PLS1: variants seen among roughly 807,000 people sequenced by gnomAD.
PLS1 encodes plastin-1.
In PLS1, 32 loss-of-function variants were observed where a neutral mutation model predicts 73.7. That is an observed-to-expected ratio of 0.43 (90% CI 0.33 to 0.58). The LOEUF (loss-of-function observed/expected upper bound fraction) is 0.58, where lower values mean the gene tolerates loss of function less well. Ranked by LOEUF, PLS1 falls within the 20% of genes least tolerant of loss-of-function variation. PLS1 has a pLI of 0.04. For synonymous variants in PLS1, 217 were observed against 261.3 expected (o/e 0.83, Z 1.63); for missense variants, 633 against 740.5 (o/e 0.85, Z 1.68).
intron 1 of PLS1, among the ~76,000 whole-genome samples, chr3:142,608,661 C>G (rs754224241): frequency 6.6e-6 from 1 of 152,192 alleles, no homozygotes; most frequent in Non-Finnish European, 1.5e-5. Context: ...ATGAATGTAT[C>G]AAAGGACACA....
At chr3:142,625,148 C>A (rs530981695) in intron 1 of PLS1, among the ~76,000 whole-genome samples, 2 of 152,042 alleles carry the variant, frequency 1.3e-5, no homozygotes, top group African/African-American at 4.8e-5. Flanking sequence ...TCTGGAAATA[C>A]GAGCTCAAAG....
intron 12 of PLS1, among the ~76,000 whole-genome samples, chr3:142,702,169 G>A (rs2038344937): frequency 6.6e-6 from 1 of 152,174 alleles, no homozygotes; most frequent in Admixed American, 6.5e-5. Context: ...TGATCCTCCT[G>A]CCTCAGCCTA....
intron 1 of PLS1, among the ~76,000 whole-genome samples, chr3:142,621,811 T>C (rs1478566012): frequency 6.7e-6 from 1 of 150,110 alleles, no homozygotes; most frequent in Non-Finnish European, 1.5e-5. Flanking sequence ...TGAAGTGAAG[T>C]CCTGGGGGAA....
intron 6 of PLS1, among the ~76,000 whole-genome samples, chr3:142,679,892 C>T (rs1159840029): frequency 2.6e-5 from 4 of 152,062 alleles, no homozygotes; most frequent in Non-Finnish European, 4.4e-5. Flanking sequence ...GATATTGATT[C>T]TTCCTACCCA....
At chr3:142,671,219 C>G (rs1281128540) in intron 4 of PLS1, 97 bp downstream of exon 4, 2 of 1,084,210 alleles carry the variant, frequency 1.8e-6, no homozygotes, top group Non-Finnish European at 2.8e-6. Flanking sequence ...GTGATTCATA[C>G]CGTTATTTTA....
chr3:142,690,260 CATAAT>C (rs966642469), intron 10 of PLS1, among the ~76,000 whole-genome samples: 2 of 152,142 alleles, frequency 1.3e-5, no homozygotes, highest in African/African-American at 4.8e-5. Context: ...TTATCTGTCT[CATAAT>C]ATATAATACT....
chr3:142,683,869 G>C, intron 6 of PLS1, 137 bp from the exon 7 acceptor site: 1 of 589,304 alleles, frequency 1.7e-6, no homozygotes, highest in South Asian at 2.7e-5. Flanking sequence ...TTTTTTTTGA[G>C]TAGTGGTATT....
chr3:142,694,558 T>A lies in PLS1; in HGVS notation c.1256+11T>A. 6.7e-7 allele frequency: 1 copy of A among 1,499,278 alleles called. No individual in the cohort carries two copies. 92.9% of individuals were successfully genotyped at this position (1,499,278 alleles called of 1,614,324 possible). On this transcript the variant is annotated intron_variant, in intron 11 of 15. Transcript: ENST00000457734. ...TAATCATTTGTACAGGTAAATATTT[T>A]ATTGTGCTTCAGCTTTACTGTCAGG...
intron 1 of PLS1, among the ~76,000 whole-genome samples, chr3:142,662,917 GT>G (rs1263517553): frequency 6.6e-6 from 1 of 152,122 alleles, no homozygotes; most frequent in Non-Finnish European, 1.5e-5. Context: ...TTGAAAGTAG[GT>G]CAGAAGGGGG....
intron 6 of PLS1, among the ~76,000 whole-genome samples, chr3:142,682,277 A>G (rs896297243): frequency 6.6e-6 from 1 of 152,184 alleles, no homozygotes; most frequent in African/African-American, 2.4e-5. Context: ...TTGAAGAGTT[A>G]ATGGGTCTTT....
At chr3:142,648,391 G>A (rs1471360958) in intron 1 of PLS1, among the ~76,000 whole-genome samples, 1 of 152,146 alleles carries the variant, frequency 6.6e-6, no homozygotes, top group Non-Finnish European at 1.5e-5. Context: ...AACTAAAATT[G>A]TTGCGGCTGT....
chr3:142,664,422 C>A, intron 2 of PLS1, 115 bp downstream of exon 2: 1 of 520,746 alleles, frequency 1.9e-6, no homozygotes, highest in Non-Finnish European at 3.5e-6. Flanking sequence ...CAGATTTATT[C>A]CTTTTTTTCT....
At chr3:142,668,990 G>A (rs2037541415) in intron 2 of PLS1, among the ~76,000 whole-genome samples, 1 of 152,048 alleles carries the variant, frequency 6.6e-6, no homozygotes, top group African/African-American at 2.4e-5. Flanking sequence ...ATATATGGTG[G>A]CCCTAAATCT....
intron 11 of PLS1, among the ~76,000 whole-genome samples, chr3:142,695,952 G>A (rs1203342610): frequency 2.6e-5 from 4 of 152,000 alleles, no homozygotes; most frequent in South Asian, 4.1e-4. Context: ...GTGCCACCAC[G>A]CCCAGCTAAT....
chr3:142,699,255 C>T (rs1424768784), intron 12 of PLS1, among the ~76,000 whole-genome samples: 2 of 152,210 alleles, frequency 1.3e-5, no homozygotes, highest in Non-Finnish European at 1.5e-5. Flanking sequence ...GTCAGGAATT[C>T]GAGGCCAGGC....
At chr3:142,639,784 T>C (rs2036788976) in intron 1 of PLS1, among the ~76,000 whole-genome samples, 1 of 152,222 alleles carries the variant, frequency 6.6e-6, no homozygotes. Flanking sequence ...TTAGTAAGTG[T>C]TGGCTGGATG....
At position 142,711,997 on chromosome 3, in the gene PLS1, GAATAA is replaced by G. The variant is rs769595766; in HGVS notation, c.1886_1890del (p.Lys629IlefsTer10). 1.2e-6 allele frequency: 2 copies of G among 1,612,306 alleles called. No individual in the cohort carries two copies. Among genetic ancestry groups the G allele is most frequent in the Non-Finnish European group, 1.7e-6 (2 of 1,178,764 alleles). On this transcript the variant is annotated frameshift_variant, in exon 16 of 16. Coordinates refer to ENST00000457734, the MANE Select transcript of PLS1 (RefSeq NM_001145319.2). LOFTEE classifies it high-confidence loss of function. ...TGCTTAATGGGAAAAGGACTGAACA[GAATAA>G]AATAATCATTTCATATGATTTTCTG... is the stretch of plus-strand genomic sequence containing the variant.
chr3:142,703,588 G>T (rs757161036), intron 12 of PLS1, among the ~76,000 whole-genome samples: 2 of 152,124 alleles, frequency 1.3e-5, no homozygotes, highest in Non-Finnish European at 2.9e-5. Flanking sequence ...AAGCGACCAC[G>T]CCCGGCCTGG....
At chr3:142,650,967 C>T (rs1577838862) in intron 1 of PLS1, among the ~76,000 whole-genome samples, 1 of 152,096 alleles carries the variant, frequency 6.6e-6, no homozygotes, top group Admixed American at 6.5e-5. Flanking sequence ...AGGCTTGTGA[C>T]CTGCTGGCCC....
Sources: gnomAD v4.1 joint callset for allele counts (sites outside exome capture counted in the v4.1 genomes callset) on GRCh38, gnomAD v4.1.1 for gene constraint, MANE v1.5 for transcripts, NCBI Gene and HGNC (gene_info 2026-07-23, HGNC 2026-07-21) for gene names.